NEMF: variants seen among roughly 807,000 people sequenced by gnomAD.
The protein encoded by NEMF is nuclear export mediator factor, also known as ribosome quality control complex subunit NEMF.
In NEMF, 89 loss-of-function variants were observed where a neutral mutation model predicts 162.2. That is an observed-to-expected ratio of 0.55 (90% CI 0.46 to 0.65). The LOEUF (loss-of-function observed/expected upper bound fraction) is 0.65. Among genes scored for constraint, NEMF ranks in the 30% least tolerant of loss-of-function variants. The pLI, the probability that NEMF is intolerant of heterozygous loss-of-function variation, is 0.00. For missense variants in NEMF, 1,133 were observed against 1,261.9 expected (o/e 0.90, Z 1.55); for synonymous variants, 421 against 404.5 (o/e 1.04, Z -0.49).
At chr14:49,795,369 G>T (rs1890644936) in intron 26 of NEMF, among the ~76,000 whole-genome samples, 1 of 136,546 alleles carries the variant, frequency 7.3e-6, no homozygotes, top group Non-Finnish European at 1.6e-5. Context: ...GGGGGGTGGG[G>T]AGGTGGGGGC....
At position 49,782,605 on chromosome 14, in the gene NEMF, T is replaced by C; in HGVS notation, c.*2031A>G. The C allele has an allele frequency of 6.3e-7, 1 of 1,588,670 alleles. No homozygotes were observed. The highest frequency in any genetic ancestry group is 2.2e-5 in the East Asian group (1 of 44,728). On this transcript the variant is annotated 3_prime_UTR_variant, in exon 33 of 33. Coordinates refer to ENST00000298310, the MANE Select transcript of NEMF (RefSeq NM_004713.6). ...AAAATCTCTTGTACGGTAAGTAACT[T>C]TGTACTTGGCACTTAGATTATTTAA... is the stretch of plus-strand genomic sequence containing the variant.
chr14:49,803,894 G>A (rs550115929), intron 19 of NEMF, among the ~76,000 whole-genome samples: 1 of 152,072 alleles, frequency 6.6e-6, no homozygotes, highest in Non-Finnish European at 1.5e-5. Context: ...GATGTAATGA[G>A]AAAACTAAGG....
intron 26 of NEMF, among the ~76,000 whole-genome samples, chr14:49,789,891 C>CA (rs372123162): frequency 2.9e-4 from 44 of 152,292 alleles, no homozygotes; most frequent in African/African-American, 1.0e-3. Context: ...AATAGCAAGT[C>CA]ATCACATTTG....
chr14:49,832,433 G>A (rs1892693109), intron 8 of NEMF, among the ~76,000 whole-genome samples, 156 bp from the exon 9 acceptor site: 1 of 151,782 alleles, frequency 6.6e-6, no homozygotes, highest in Admixed American at 6.6e-5. Context: ...CCGGGTTCAA[G>A]CAATTCTCAT....
At chr14:49,806,932 T>C (rs771447133) in intron 18 of NEMF, among the ~76,000 whole-genome samples, 1 of 152,198 alleles carries the variant, frequency 6.6e-6, no homozygotes, top group Non-Finnish European at 1.5e-5. Flanking sequence ...ATTCAGTGGC[T>C]TTTTGTATAT....
chr14:49,823,430 C>G (rs1189536883), intron 16 of NEMF, among the ~76,000 whole-genome samples: 2 of 151,040 alleles, frequency 1.3e-5, no homozygotes, highest in African/African-American at 2.4e-5. Context: ...AAAGTCCTCT[C>G]TTTTTTTGCC....
chr14:49,790,666 A>T (rs1890397517), intron 26 of NEMF, among the ~76,000 whole-genome samples: 1 of 152,150 alleles, frequency 6.6e-6, no homozygotes, highest in Non-Finnish European at 1.5e-5. Context: ...TCATATGTAT[A>T]TGAACAGAAA....
intron 16 of NEMF, among the ~76,000 whole-genome samples, chr14:49,817,803 G>A (rs1218019358): frequency 6.6e-6 from 1 of 152,100 alleles, no homozygotes; most frequent in Admixed American, 6.5e-5. Context: ...TAAATAATTT[G>A]AATCTGCAAT....
intron 16 of NEMF, 44 bp downstream of exon 16, chr14:49,825,823 T>G: frequency 7.5e-7 from 1 of 1,327,390 alleles, no homozygotes; most frequent in South Asian, 1.3e-5. Flanking sequence ...ATGGATAATT[T>G]TAATAAAAAC....
intron 15 of NEMF, 77 bp from the exon 16 acceptor site, chr14:49,826,032 G>A: frequency 1.1e-6 from 1 of 943,458 alleles, no homozygotes; most frequent in Non-Finnish European, 1.6e-6. Flanking sequence ...AATGGGGCAA[G>A]AATTTTTTTA....
rs1427447466 is a variant in NEMF at position 49,814,023 on chromosome 14, T to C, written c.1709A>G (p.His570Arg). 2 of 1,550,248 alleles carry C rather than the reference T, an allele frequency of 1.3e-6. No individual in the cohort carries two copies. The highest frequency in any genetic ancestry group is 8.9e-7 in the Non-Finnish European group (1 of 1,121,792). ...CTTAATTACACAGCTAGTAGCTCCATGAAGATCAGCATGTACATAAATGTC... is the reference window on the plus strand; with the variant it reads ...CTTAATTACACAGCTAGTAGCTCCACGAAGATCAGCATGTACATAAATGTC... The part of the protein sequence containing the change: ...PGDIYVHADL[H>R]GATSCVIKNP... Residue 570 changes from histidine (H) to arginine (R), a missense_variant, in exon 18 of 33, where the codon CAT becomes CGT. By Grantham distance (29) the His-to-Arg change is conservative. Coordinates refer to ENST00000298310, the MANE Select transcript of NEMF (RefSeq NM_004713.6).
chr14:49,788,716 G>A (rs1043950382), intron 28 of NEMF, among the ~76,000 whole-genome samples: 9 of 151,764 alleles, frequency 5.9e-5, no homozygotes, highest in East Asian at 3.9e-4. Flanking sequence ...CACCACACCC[G>A]GCTAATTTTT....
In NEMF at chr14:49,784,910, G is replaced by A. The variant is rs761828531; in HGVS notation, c.3153+15C>T. On this transcript the variant is annotated intron_variant, in intron 32 of 32. Coordinates refer to ENST00000298310, the MANE Select transcript of NEMF (RefSeq NM_004713.6). The stretch of plus-strand genomic sequence containing the variant: ...CTGTCAGTCTCCACATTCCTTTTCT[G>A]AAGGAGAACTTTACCTTTACGCTGC... 1 of 1,606,024 alleles carries A rather than the reference G, an allele frequency of 6.2e-7. No individual in the cohort carries two copies. Among genetic ancestry groups the A allele is most frequent in the Admixed American group, 1.7e-5 (1 of 59,716 alleles).
chr14:49,785,412 TTA>T (rs1890123064), intron 29 of NEMF, 92 bp from the exon 30 acceptor site: 3 of 853,040 alleles, frequency 3.5e-6, no homozygotes, highest in Non-Finnish European at 4.0e-6. Context: ...AACATATTTT[TTA>T]TCTTTTCCTG....
At chr14:49,833,308 A>G (rs894499616) in intron 8 of NEMF, 115 bp downstream of exon 8, 4 of 559,684 alleles carry the variant, frequency 7.1e-6, no homozygotes, top group Non-Finnish European at 1.2e-5. Context: ...CATATTACAG[A>G]TAACAATTTT....
At chr14:49,842,994 G>A (rs1267699653) in intron 4 of NEMF, among the ~76,000 whole-genome samples, 1 of 151,658 alleles carries the variant, frequency 6.6e-6, no homozygotes, top group Non-Finnish European at 1.5e-5. Flanking sequence ...GACAGGGTGA[G>A]ACTTATTCTC....
intron 25 of NEMF, among the ~76,000 whole-genome samples, chr14:49,798,763 C>T (rs946073781): frequency 3.9e-5 from 6 of 151,982 alleles, no homozygotes; most frequent in Non-Finnish European, 7.4e-5. Context: ...AAAAATTAGC[C>T]GGGCATGGTG....
intron 1 of NEMF, among the ~76,000 whole-genome samples, chr14:49,852,451 C>G (rs1191853095): frequency 6.6e-6 from 1 of 152,252 alleles, no homozygotes; most frequent in Non-Finnish European, 1.5e-5. Context: ...AAGAGCTTCG[C>G]GCTAGCGGGG....
At position 49,831,323 on chromosome 14, in the gene NEMF, T is replaced by C. The variant is rs1450629147; in HGVS notation, c.921A>G (p.Lys307=). 6.2e-7 allele frequency: 1 copy of C among 1,600,982 alleles called. No homozygotes were observed. Among genetic ancestry groups the C allele is most frequent in the East Asian group, 2.2e-5 (1 of 44,820 alleles). ...CCTGTTGTAAAGCTTTTAAGTCAAT[T>C]TTCTGGCCTTCTATCTTGGAATAAA... ...DEFYSKIEGQ[K]IDLKALQQEK... Residue 307 remains lysine (K), a synonymous_variant, in exon 11 of 33, where the codon AAA becomes AAG. Transcript: ENST00000298310.
Sources: gnomAD v4.1 joint callset for allele counts (sites outside exome capture counted in the v4.1 genomes callset) on GRCh38, gnomAD v4.1.1 for gene constraint, MANE v1.5 for transcripts, NCBI Gene and HGNC (gene_info 2026-07-23, HGNC 2026-07-21) for gene names.